Variants in CNTN1 observed in about 807,000 individuals in gnomAD.
The protein encoded by CNTN1 is contactin 1.
A neutral mutation model predicts 126.4 loss-of-function variants in CNTN1; 38 were observed. That is an observed-to-expected ratio of 0.30 (90% CI 0.23 to 0.39). The LOEUF is 0.39. CNTN1 is among the 10% of genes least tolerant of loss of function. The probability of loss-of-function intolerance (pLI) is 1.00; values close to 1 mark genes in which losing one functional copy is unlikely to be tolerated. For synonymous variants in CNTN1, 413 were observed against 422.6 expected (o/e 0.98, Z 0.28); for missense variants, 1,009 against 1,248.4 (o/e 0.81, Z 2.89).
chr12:40,851,017 T>G (rs1230410873), intron 1 of CNTN1, among the ~76,000 whole-genome samples: 9 of 152,324 alleles, frequency 5.9e-5, no homozygotes, highest in African/African-American at 2.2e-4. Context: ...CTAGATAACT[T>G]TCAGATTTTA....
At chr12:40,836,496 G>T (rs375980437) in intron 1 of CNTN1, among the ~76,000 whole-genome samples, 1 of 151,876 alleles carries the variant, frequency 6.6e-6, no homozygotes, top group Non-Finnish European at 1.5e-5. Context: ...TTTCCCTGTT[G>T]CCATGGGCAA....
chr12:40,992,684 C>T (rs1323184428), intron 16 of CNTN1, among the ~76,000 whole-genome samples: 1 of 152,084 alleles, frequency 6.6e-6, no homozygotes, highest in Non-Finnish European at 1.5e-5. Context: ...ACCTTTTCTA[C>T]CTAGTTATAA....
At chr12:41,065,126 G>A (rs931593872) in intron 23 of CNTN1, among the ~76,000 whole-genome samples, 2 of 151,974 alleles carry the variant, frequency 1.3e-5, no homozygotes, top group Non-Finnish European at 1.5e-5. Flanking sequence ...CGCCATCTCC[G>A]CTCACTGCAA....
At chr12:41,049,042 G>T (rs1240798215) in intron 23 of CNTN1, among the ~76,000 whole-genome samples, 1 of 152,156 alleles carries the variant, frequency 6.6e-6, no homozygotes, top group Non-Finnish European at 1.5e-5. Flanking sequence ...CAAGCTCTCA[G>T]CAGCACTGAT....
chr12:40,790,469 A>G (rs1342649432), intron 1 of CNTN1, among the ~76,000 whole-genome samples: 1 of 152,164 alleles, frequency 6.6e-6, no homozygotes, highest in Non-Finnish European at 1.5e-5. Flanking sequence ...ATTTAAATGA[A>G]TAGGCACTAG....
chr12:40,883,106 T>C (rs114492868), intron 1 of CNTN1, among the ~76,000 whole-genome samples: 2,936 of 151,714 alleles, frequency 0.019, 99 homozygotes, highest in African/African-American at 0.068. Context: ...GCCTAAATTT[T>C]AATCAAGCCT....
intron 9 of CNTN1, among the ~76,000 whole-genome samples, chr12:40,934,985 CTCCATTG>C (rs1342895094): frequency 1.3e-5 from 2 of 151,984 alleles, no homozygotes; most frequent in Non-Finnish European, 2.9e-5. Context: ...ATCTTTCATT[CTCCATTG>C]CCTTTCAACT....
At chr12:40,700,678 A>G (rs1331672188) in intron 1 of CNTN1, among the ~76,000 whole-genome samples, 1 of 152,222 alleles carries the variant, frequency 6.6e-6, no homozygotes, top group Non-Finnish European at 1.5e-5. Flanking sequence ...AGCACAAGTG[A>G]TGAAAAAGAA....
intron 17 of CNTN1, among the ~76,000 whole-genome samples, chr12:40,995,100 T>A (rs1180692278): frequency 1.3e-5 from 2 of 152,148 alleles, no homozygotes; most frequent in African/African-American, 4.8e-5. Flanking sequence ...GACCAAGTAT[T>A]TTAGTGCTTT....
At chr12:40,731,116 A>G (rs1942489066) in intron 1 of CNTN1, among the ~76,000 whole-genome samples, 2 of 152,100 alleles carry the variant, frequency 1.3e-5, no homozygotes, top group Admixed American at 1.3e-4. Context: ...AAATTGGGAT[A>G]AAAATGGGAA....
intron 23 of CNTN1, among the ~76,000 whole-genome samples, chr12:41,045,077 A>G (rs1401719962): frequency 6.6e-6 from 1 of 152,070 alleles, no homozygotes; most frequent in Non-Finnish European, 1.5e-5. Flanking sequence ...TGATTTACTA[A>G]TGACATAAAA....
At chr12:40,837,187 C>A (rs1386532085) in intron 1 of CNTN1, among the ~76,000 whole-genome samples, 3 of 152,098 alleles carry the variant, frequency 2.0e-5, no homozygotes, top group South Asian at 2.1e-4. Context: ...TAGAAAGAAG[C>A]CTTTCATGCC....
At chr12:40,838,260 C>G (rs1390206177) in intron 1 of CNTN1, among the ~76,000 whole-genome samples, 1 of 152,202 alleles carries the variant, frequency 6.6e-6, no homozygotes, top group Non-Finnish European at 1.5e-5. Context: ...CACTTATCTG[C>G]AAGTGCCATC....
At chr12:40,883,655 G>C (rs1161629440) in intron 1 of CNTN1, among the ~76,000 whole-genome samples, 1 of 151,516 alleles carries the variant, frequency 6.6e-6, no homozygotes, top group Non-Finnish European at 1.5e-5. Flanking sequence ...CTTCCATCCT[G>C]TAATAAGAAA....
At chr12:41,030,848 A>AATAGAATT (rs1949131879) in intron 23 of CNTN1, among the ~76,000 whole-genome samples, 1 of 152,184 alleles carries the variant, frequency 6.6e-6, no homozygotes, top group Non-Finnish European at 1.5e-5. Flanking sequence ...GACAGGGGAA[A>AATAGAATT]ATAGAATTTT....
chr12:40,970,312 G>A (rs1202694059), intron 15 of CNTN1, among the ~76,000 whole-genome samples: 4 of 150,504 alleles, frequency 2.7e-5, no homozygotes, highest in Non-Finnish European at 1.5e-5. Flanking sequence ...CCCAAACTGC[G>A]TTCAAAAGAA....
At chr12:40,864,267 G>A (rs770486829) in intron 1 of CNTN1, among the ~76,000 whole-genome samples, 1 of 151,672 alleles carries the variant, frequency 6.6e-6, no homozygotes, top group African/African-American at 2.4e-5. Context: ...TGATCTACCT[G>A]CCTTGGCCTC....
At chr12:40,919,803 G>A (rs1034339227) in intron 4 of CNTN1, among the ~76,000 whole-genome samples, 1 of 151,888 alleles carries the variant, frequency 6.6e-6, no homozygotes, top group African/African-American at 2.4e-5. Context: ...TTTCATACAT[G>A]GAAATATGAT....
chr12:40,957,172 A>G (rs547553970), intron 14 of CNTN1, among the ~76,000 whole-genome samples: 8 of 152,108 alleles, frequency 5.3e-5, no homozygotes, highest in Admixed American at 2.0e-4. Flanking sequence ...AGAAATGGAA[A>G]AACTAAAAAC....
Sources: allele counts gnomAD v4.1 joint callset (sites outside exome capture counted in the v4.1 genomes callset), GRCh38; gene constraint gnomAD v4.1.1; transcripts MANE v1.5; gene names NCBI Gene and HGNC (gene_info 2026-07-23, HGNC 2026-07-21).